PPM1F: variants seen among roughly 807,000 people sequenced by gnomAD.
PPM1F encodes protein phosphatase 1F.
In PPM1F, 17 loss-of-function variants were observed where a neutral mutation model predicts 35.5. That is an observed-to-expected ratio of 0.48 (90% CI 0.33 to 0.72). The LOEUF is 0.72. Ranked by LOEUF, PPM1F falls within the 30% of genes least tolerant of loss-of-function variation. PPM1F has a pLI of 0.02. For synonymous variants in PPM1F, 241 were observed against 255.5 expected (o/e 0.94, Z 0.54); for missense variants, 521 against 613.0 (o/e 0.85, Z 1.59).
chr22:21,938,455 G>A (rs574580233), intron 3 of PPM1F: 9 of 1,134,164 alleles, frequency 7.9e-6, no homozygotes, highest in Admixed American at 8.9e-5. Context: ...GGACGAGAGC[G>A]AGGAGGAGAG....
Position 21,946,002 on chromosome 22 carries a change from G to A in PPM1F, c.47C>T (p.Ala16Val). 6.3e-7 allele frequency: 1 copy of A among 1,599,498 alleles called. No individual in the cohort carries two copies. The highest frequency in any genetic ancestry group is 8.5e-7 in the Non-Finnish European group (1 of 1,172,094). Residue 16 changes from alanine (A) to valine (V), a missense_variant, in exon 2 of 8, where the codon GCT becomes GTT. Ala to Val is a moderately conservative substitution (Grantham distance 64). Coordinates refer to ENST00000263212, the MANE Select transcript of PPM1F (RefSeq NM_014634.4). Reference protein sequence around the residue: ...PQKSSPMASGAEETPGFLDTL... With the variant: ...PQKSSPMASGVEETPGFLDTL... ...GTCCAGGAAGCCTGGGGTCTCCTCA[G>A]CTCCACTGGCCATTGGGCTGCTCTT...
Position 21,945,227 on chromosome 22 carries a change from A to T in PPM1F, c.206+616T>A, listed in dbSNP as rs538727644. The T allele has an allele frequency of 2.6e-5, 4 of 152,580 alleles. No homozygotes were observed. The East Asian group carries it at 7.7e-4, about 29-fold the overall frequency. The allele number at this position is 152,580 out of a possible 1,614,324, so 9.5% of individuals were successfully genotyped here. On this transcript the variant is annotated intron_variant, in intron 2 of 7. Transcript: ENST00000263212. ...GTTCACATGAGGTCACATTGGCTGG[A>T]GTGGCTCATGCCTGTAATCCCAGCA...
chr22:21,940,924 GGTCTTGCTCT>G (rs2070718446), intron 2 of PPM1F, among the ~76,000 whole-genome samples: 1 of 152,112 alleles, frequency 6.6e-6, no homozygotes, highest in Non-Finnish European at 1.5e-5. Context: ...TTAGAGACAG[GGTCTTGCTCT>G]GTCTCCCAGG....
chr22:21,931,657 C>A (rs973998969), intron 5 of PPM1F, among the ~76,000 whole-genome samples: 1 of 151,900 alleles, frequency 6.6e-6, no homozygotes. Context: ...AGATTACAGG[C>A]GTACAGCACC....
At chr22:21,931,672 C>G (rs552761581) in intron 5 of PPM1F, among the ~76,000 whole-genome samples, 1 of 151,974 alleles carries the variant, frequency 6.6e-6, no homozygotes, top group Non-Finnish European at 1.5e-5. Flanking sequence ...AGCACCACGC[C>G]TGGCTAATTT....
intron 3 of PPM1F, chr22:21,934,853 CCA>C (rs1219232365): frequency 7.0e-6 from 1 of 142,694 alleles, no homozygotes; most frequent in Non-Finnish European, 1.5e-5. Flanking sequence ...CCATTATGCT[CCA>C]GTCTGGGCGA....
At chr22:21,933,911 G>T in intron 4 of PPM1F, 113 bp downstream of exon 4, 3 of 1,028,470 alleles carry the variant, frequency 2.9e-6, no homozygotes, top group Non-Finnish European at 4.2e-6. Flanking sequence ...AGGGGCTGAC[G>T]GGTGTCTCTC....
chr22:21,925,696 CG>C (rs1037019824), intron 6 of PPM1F, 34 bp from the exon 7 acceptor site: 17 of 1,507,836 alleles, frequency 1.1e-5, no homozygotes, highest in Middle Eastern at 1.8e-4. Flanking sequence ...GGGGCAGGGC[CG>C]GGGGGATGGG....
In PPM1F at chr22:21,933,972, C is replaced by A. The variant is rs918790872; in HGVS notation, c.558+52G>T. ...TTCTCGGTACCTGGGGGGCCCCCACCCTCGCCCCGGTCCTCCGAAGCTGTC... is the reference window on the plus strand; with the variant it reads ...TTCTCGGTACCTGGGGGGCCCCCACACTCGCCCCGGTCCTCCGAAGCTGTC... On this transcript the variant is annotated intron_variant, in intron 4 of 7. Transcript: ENST00000263212. 7.2e-5 allele frequency: 108 copies of A among 1,492,046 alleles called. 2 individuals are homozygous for A. The South Asian group carries it at 1.3e-3, about 19-fold the overall frequency. 92.4% of individuals were successfully genotyped at this position (1,492,046 alleles called of 1,614,324 possible).
Position 21,940,560 on chromosome 22 carries a change from G to A in PPM1F, c.207-880C>T, listed in dbSNP as rs1479108645. 2.6e-5 allele frequency: 4 copies of A among 152,216 alleles called. No homozygotes were observed. The East Asian group carries it at 5.8e-4, about 22-fold the overall frequency. 9.4% of individuals were successfully genotyped at this position (152,216 alleles called of 1,614,324 possible). ...CCAGGGGAACATGAGGCAGAGACCT[G>A]GGGGATGAACCTACAAGCCAGGGAA... On this transcript the variant is annotated intron_variant, in intron 2 of 7. Coordinates refer to ENST00000263212, the MANE Select transcript of PPM1F (RefSeq NM_014634.4).
Position 21,939,425 on chromosome 22 carries a change from G to A in PPM1F, c.355+107C>T, listed in dbSNP as rs2070699188. On this transcript the variant is annotated intron_variant, in intron 3 of 7. Transcript: ENST00000263212. This position sits in a 1 kb window ranked among gnomAD's most constrained non-coding sequence, Gnocchi z 5.1. ...TGATTCTGCTGCCGTTGTGAGCGAG[G>A]GCCCCAGCACCCTTAGGGACCCCAA... 2.8e-6 allele frequency: 4 copies of A among 1,434,036 alleles called. No homozygotes were observed. The highest frequency in any genetic ancestry group is 2.8e-6 in the Non-Finnish European group (3 of 1,056,476). The allele number at this position is 1,434,036 out of a possible 1,614,324, so 88.8% of individuals were successfully genotyped here.
intron 7 of PPM1F, among the ~76,000 whole-genome samples, chr22:21,924,534 G>A (rs1408410810): frequency 1.3e-5 from 2 of 151,200 alleles, no homozygotes; most frequent in African/African-American, 2.4e-5. Context: ...GCCTCCCAAA[G>A]TGCTGGGATT....
chr22:21,933,401 G>C lies in PPM1F; in HGVS notation c.737C>G (p.Ala246Gly). 1.2e-6 allele frequency: 2 copies of C among 1,608,334 alleles called. No individual in the cohort carries two copies. The highest frequency in any genetic ancestry group is 1.7e-6 in the Non-Finnish European group (2 of 1,177,784). The change falls in exon 5 of 8, where the codon GCC becomes GGC. Residue 246 changes from alanine to glycine, a missense_variant. Physicochemically the swap from Ala to Gly is moderately conservative, Grantham distance 60. This residue lies in a region of PPM1F where 311 missense variants were observed against 351.5 expected (regional missense o/e 0.88). Coordinates refer to ENST00000263212, the MANE Select transcript of PPM1F (RefSeq NM_014634.4). ...RRTDQMFLRK[A>G]KRERLQSGTT... ...GCGGCCAGTCCTCACCTCTCGCTTG[G>C]CTTTCCTGAGAAACATCTGGTCGGT... is the stretch of plus-strand genomic sequence containing the variant.
rs768409617 is a variant in PPM1F at position 21,931,241 on chromosome 22, G to C, written c.798C>G (p.Thr266=). ...AATCCCCGAGCCAGGCGACGTGCAG[G>C]GTCGCTCCTGCAATGAGCGCACACA... ...TGVCALIAGA[T]LHVAWLGDSQ... is the part of the protein sequence containing the mutation. The change falls in exon 6 of 8, where the codon ACC becomes ACG. Residue 266 remains threonine, a synonymous_variant. Transcript: ENST00000263212. 9.9e-6 allele frequency: 16 copies of C among 1,613,784 alleles called. No individual in the cohort carries two copies. Among genetic ancestry groups the C allele is most frequent in the Non-Finnish European group, 1.4e-5 (16 of 1,180,040 alleles).
At chr22:21,928,239 C>T (rs1047850450) in intron 6 of PPM1F, among the ~76,000 whole-genome samples, 3 of 152,146 alleles carry the variant, frequency 2.0e-5, no homozygotes, top group African/African-American at 4.8e-5. Context: ...GTGCTCCACA[C>T]GGCCAGGCCG....
Position 21,939,793 on chromosome 22 carries a change from CCT to C in PPM1F, c.207-115_207-114del. On this transcript the variant is annotated intron_variant, in intron 2 of 7. Coordinates refer to ENST00000263212, the MANE Select transcript of PPM1F (RefSeq NM_014634.4). The surrounding 1 kb of genome is among the most constrained non-coding windows in gnomAD (Gnocchi z 5.1). The stretch of plus-strand genomic sequence containing the variant: ...AGGGGTCACGGCCAGCAGGGCGGCC[CCT>C]GTCCTCAGGGAGCTGGGACAGGAAG... The C allele has an allele frequency of 3.9e-6, 5 of 1,293,674 alleles. No homozygotes were observed. In the South Asian group the frequency reaches 4.2e-5, roughly 11 times the overall value. 80.1% of individuals were successfully genotyped at this position (1,293,674 alleles called of 1,614,324 possible).
chr22:21,952,134 C>T (rs975355694), intron 1 of PPM1F: 2 of 152,402 alleles, frequency 1.3e-5, no homozygotes, highest in South Asian at 4.1e-4. Context: ...TCCCTGCAGC[C>T]GGAGCCAGTT....
At chr22:21,926,578 C>G (rs1305002335) in intron 6 of PPM1F, among the ~76,000 whole-genome samples, 2 of 152,148 alleles carry the variant, frequency 1.3e-5, no homozygotes, top group Non-Finnish European at 2.9e-5. Flanking sequence ...TTGGTCCTAT[C>G]AGCCTCTGCC....
intron 4 of PPM1F, 119 bp downstream of exon 4, chr22:21,933,905 G>T: frequency 1.0e-6 from 1 of 990,842 alleles, no homozygotes; most frequent in Non-Finnish European, 1.5e-6. Flanking sequence ...AAGTACAGGG[G>T]CTGACGGGTG....
Sources: allele counts gnomAD v4.1 joint callset (sites outside exome capture counted in the v4.1 genomes callset), GRCh38; gene constraint gnomAD v4.1.1; regional missense constraint gnomAD v4.1.1; non-coding constraint Gnocchi (gnomAD v3.1); transcripts MANE v1.5; gene names NCBI Gene and HGNC (gene_info 2026-07-23, HGNC 2026-07-21).